STK32B: variants seen among roughly 807,000 people sequenced by gnomAD.
STK32B encodes the protein serine/threonine-protein kinase 32B.
A neutral mutation model predicts 52.6 loss-of-function variants in STK32B; 43 were observed. The ratio of observed to expected loss-of-function variants is 0.82; its 90% CI spans 0.64 to 1.05. The LOEUF is 1.05. Among genes scored for constraint, STK32B ranks in the 50% least tolerant of loss-of-function variants. The pLI is 0.00. For missense variants in STK32B, 621 were observed against 534.6 expected (o/e 1.16, Z -1.59); for synonymous variants, 238 against 204.3 (o/e 1.17, Z -1.41).
At chr4:5,144,400 C>T (rs561966579) in intron 2 of STK32B, among the ~76,000 whole-genome samples, 1 of 152,276 alleles carries the variant, frequency 6.6e-6, no homozygotes, top group South Asian at 2.1e-4. Flanking sequence ...TCTCTTTCCC[C>T]TACGCAGCAG....
At chr4:5,142,434 T>C (rs913223195) in intron 2 of STK32B, among the ~76,000 whole-genome samples, 1 of 152,220 alleles carries the variant, frequency 6.6e-6, no homozygotes, top group Non-Finnish European at 1.5e-5. Flanking sequence ...TAATTTGTCT[T>C]TTCTACACAA....
intron 3 of STK32B, among the ~76,000 whole-genome samples, chr4:5,307,856 T>G (rs1252778664): frequency 6.6e-6 from 1 of 152,096 alleles, no homozygotes; most frequent in Non-Finnish European, 1.5e-5. Flanking sequence ...CCCCTAGGGA[T>G]GGGGCTTCCT....
At chr4:5,348,731 A>C (rs1438740652) in intron 4 of STK32B, among the ~76,000 whole-genome samples, 1 of 152,168 alleles carries the variant, frequency 6.6e-6, no homozygotes, top group Non-Finnish European at 1.5e-5. Flanking sequence ...GAGGATCACC[A>C]CAACCCTGCC....
At chr4:5,268,573 GTGTGTGTGTGTA>G (rs1177601994) in intron 3 of STK32B, among the ~76,000 whole-genome samples, 4 of 137,024 alleles carry the variant, frequency 2.9e-5, no homozygotes, top group African/African-American at 1.4e-4. Context: ...GTGTGTGTGT[GTGTGTGTGTGTA>G]TAGCAAATAT....
At chr4:5,316,166 A>AAT (rs202086233) in intron 3 of STK32B, among the ~76,000 whole-genome samples, 1 of 75,940 alleles carries the variant, frequency 1.3e-5, no homozygotes, top group Non-Finnish European at 2.1e-5. Flanking sequence ...TATATAACTA[A>AAT]ATATATATAT....
intron 1 of STK32B, among the ~76,000 whole-genome samples, chr4:5,135,652 C>T (rs1253499763): frequency 6.6e-6 from 1 of 152,098 alleles, no homozygotes; most frequent in Non-Finnish European, 1.5e-5. Flanking sequence ...GAGTGGCTTC[C>T]CTGCATCTGT....
intron 5 of STK32B, among the ~76,000 whole-genome samples, chr4:5,407,107 GA>G (rs1196703860): frequency 8.6e-5 from 13 of 151,998 alleles, no homozygotes; most frequent in African/African-American, 3.1e-4. Context: ...TTGCTGCTTA[GA>G]AATTTCTTTT....
chr4:5,276,308 C>T (rs1416104207), intron 3 of STK32B, among the ~76,000 whole-genome samples: 1 of 151,856 alleles, frequency 6.6e-6, no homozygotes, highest in African/African-American at 2.4e-5. Context: ...AAAAAAAATT[C>T]ATTTAACCAG....
At chr4:5,206,635 A>C (rs1485732109) in intron 3 of STK32B, among the ~76,000 whole-genome samples, 1 of 152,128 alleles carries the variant, frequency 6.6e-6, no homozygotes, top group Non-Finnish European at 1.5e-5. Context: ...AGTCATGCAC[A>C]CACAAGCAGA....
chr4:5,355,046 C>G (rs1263584062), intron 4 of STK32B, among the ~76,000 whole-genome samples: 1 of 152,158 alleles, frequency 6.6e-6, no homozygotes, highest in Non-Finnish European at 1.5e-5. Context: ...ACAGCCCTGA[C>G]AAAACCTTGA....
chr4:5,111,689 C>G (rs1714415338), intron 1 of STK32B, among the ~76,000 whole-genome samples: 1 of 151,982 alleles, frequency 6.6e-6, no homozygotes, highest in African/African-American at 2.4e-5. Flanking sequence ...ACTAGAAGCC[C>G]AACCCCTGTC....
chr4:5,498,426 T>C (rs1404951203), intron 11 of STK32B, among the ~76,000 whole-genome samples: 1 of 152,206 alleles, frequency 6.6e-6, no homozygotes, highest in Non-Finnish European at 1.5e-5. Flanking sequence ...GTGGGATTCT[T>C]TGATTAGTGC....
chr4:5,193,067 C>T (rs188465753), intron 3 of STK32B, among the ~76,000 whole-genome samples: 10 of 152,304 alleles, frequency 6.6e-5, no homozygotes, highest in African/African-American at 1.2e-4. Flanking sequence ...AGAGGAACCC[C>T]GGCCACTGCA....
chr4:5,111,400 G>A (rs752513003), intron 1 of STK32B, among the ~76,000 whole-genome samples: 1 of 151,980 alleles, frequency 6.6e-6, no homozygotes, highest in Non-Finnish European at 1.5e-5. Context: ...AAGAAATTGT[G>A]GTGTGTGTGT....
At chr4:5,133,254 A>G (rs1715886240) in intron 1 of STK32B, among the ~76,000 whole-genome samples, 1 of 152,232 alleles carries the variant, frequency 6.6e-6, no homozygotes, top group Non-Finnish European at 1.5e-5. Context: ...CATCATTTCA[A>G]CAAGTGTATA....
intron 4 of STK32B, among the ~76,000 whole-genome samples, chr4:5,389,333 G>A (rs569174510): frequency 6.6e-6 from 1 of 152,174 alleles, no homozygotes; most frequent in African/African-American, 2.4e-5. Context: ...CACAGGCTGG[G>A]CAGCTTAAAC....
chr4:5,322,278 C>G (rs1163826596), intron 3 of STK32B, among the ~76,000 whole-genome samples: 1 of 152,142 alleles, frequency 6.6e-6, no homozygotes, highest in Non-Finnish European at 1.5e-5. Flanking sequence ...TGTCAGAAGG[C>G]CGAGCGCTCC....
chr4:5,353,453 T>C lies in STK32B; in HGVS notation c.434+22060T>C, dbSNP rs1034015829. Among the ~76,000 whole-genome samples the C allele has an allele frequency of 6.1e-5, 9 of 147,252 alleles. 1 individual carries two copies. Among genetic ancestry groups the C allele is most frequent in the Admixed American group, 1.3e-4 (2 of 15,114 alleles). Reference sequence around the variant, plus strand: ...ACAACAAAGGAAGCAATTAATACAGTGAAGAGGCAACATTTTGAATGGGAG... The same window carrying C: ...ACAACAAAGGAAGCAATTAATACAGCGAAGAGGCAACATTTTGAATGGGAG... On this transcript the variant is annotated intron_variant, in intron 4 of 11. Coordinates refer to ENST00000282908, the MANE Select transcript of STK32B (RefSeq NM_018401.3).
chr4:5,159,578 TATATATATGA>T lies in STK32B; in HGVS notation c.109-8702_109-8693del, dbSNP rs1339042619. Among the ~76,000 whole-genome samples, 7 of 22,282 alleles carry T rather than the reference TATATATATGA, an allele frequency of 3.1e-4. 1 individual carries two copies. In the East Asian group the frequency reaches 3.3e-3, roughly 10 times the overall value. 14.6% of individuals were successfully genotyped at this position (22,282 alleles called of 152,430 possible). A position where few individuals can be genotyped will look rare whatever the true frequency, so the allele number is the denominator to read the frequency against. On this transcript the variant is annotated intron_variant, in intron 2 of 11. Coordinates refer to ENST00000282908, the MANE Select transcript of STK32B (RefSeq NM_018401.3). ...ATATATATGAATGAATATATATGAATATATATATGAATATATATGAATATATATATGAATA... is the reference window on the plus strand; with the variant it reads ...ATATATATGAATGAATATATATGAATATATATATGAATATATATATGAATA...
Sources: allele counts gnomAD v4.1 joint callset (sites outside exome capture counted in the v4.1 genomes callset), GRCh38; gene constraint gnomAD v4.1.1; transcripts MANE v1.5; gene names NCBI Gene and HGNC (gene_info 2026-07-23, HGNC 2026-07-21).